The following EMC2 variants were observed in gnomAD, a reference collection of about 807,000 sequenced individuals.
The protein encoded by EMC2 is TPR repeat protein 35.
In EMC2, 37 loss-of-function variants were observed where a neutral mutation model predicts 51.6. That is an observed-to-expected ratio of 0.72 (90% CI 0.55 to 0.94). EMC2 has a LOEUF of 0.94. Ranked by LOEUF, EMC2 falls within the 40% of genes least tolerant of loss-of-function variation. EMC2 has a pLI of 0.00. For missense variants in EMC2, 359 were observed against 350.9 expected, an observed-to-expected ratio of 1.02 and a Z score of -0.18; for synonymous variants, 131 against 112.4, an observed-to-expected ratio of 1.17 and a Z score of -1.04.
At chr8:108,465,125 C>T (rs931726785) in intron 5 of EMC2, among the ~76,000 whole-genome samples, 2 of 152,132 alleles carry the variant, frequency 1.3e-5, no homozygotes, top group Non-Finnish European at 2.9e-5. Flanking sequence ...TGCTAGCTAG[C>T]CCTATTCTGA....
chr8:108,467,210 G>A (rs1472617751), intron 5 of EMC2, among the ~76,000 whole-genome samples: 1 of 152,126 alleles, frequency 6.6e-6, no homozygotes, highest in Non-Finnish European at 1.5e-5. Context: ...TGGAAACTAA[G>A]ATGTGCGTTT....
intron 3 of EMC2, among the ~76,000 whole-genome samples, chr8:108,450,860 C>A (rs1819000830): frequency 1.3e-5 from 2 of 152,134 alleles, no homozygotes; most frequent in Non-Finnish European, 2.9e-5. Context: ...ATATTATAAA[C>A]ATATCTGACA....
chr8:108,465,628 C>T (rs890820560), intron 5 of EMC2, among the ~76,000 whole-genome samples: 3 of 152,136 alleles, frequency 2.0e-5, no homozygotes, highest in Non-Finnish European at 2.9e-5. Context: ...TACATGGGTT[C>T]TTCAGAACTA....
intron 5 of EMC2, among the ~76,000 whole-genome samples, chr8:108,458,043 A>G (rs1819211814): frequency 1.3e-5 from 2 of 152,232 alleles, no homozygotes; most frequent in African/African-American, 2.4e-5. Flanking sequence ...CAAAGAGGCT[A>G]CAGGCCCCAT....
chr8:108,444,929 C>G (rs778160135), intron 1 of EMC2, among the ~76,000 whole-genome samples: 30 of 152,114 alleles, frequency 2.0e-4, no homozygotes, highest in Non-Finnish European at 3.8e-4. Flanking sequence ...AGGGTATCTT[C>G]CGTAAGCTGA....
rs566239299 is a variant in EMC2 at position 108,444,849 on chromosome 8, A to G, written c.40+1151A>G. 2.6e-5 allele frequency among the ~76,000 whole-genome samples: 4 copies of G among 152,344 alleles called. No homozygotes were observed. The East Asian group carries it at 7.7e-4, about 29-fold the overall frequency. On this transcript the variant is annotated intron_variant, in intron 1 of 10. Coordinates refer to ENST00000220853, the MANE Select transcript of EMC2 (RefSeq NM_014673.5). ...TTGGCTCTGTCAACACACAGTCCCCACTTCCAAGGAAGTCACAATCTAATG... is the reference window on the plus strand; with the variant it reads ...TTGGCTCTGTCAACACACAGTCCCCGCTTCCAAGGAAGTCACAATCTAATG...
chr8:108,484,160 T>C (rs1219032732), intron 10 of EMC2, among the ~76,000 whole-genome samples: 1 of 152,136 alleles, frequency 6.6e-6, no homozygotes, highest in Non-Finnish European at 1.5e-5. Flanking sequence ...AGATAAATCC[T>C]TCTTTGTTGC....
chr8:108,453,577 T>A (rs562336761), intron 4 of EMC2, among the ~76,000 whole-genome samples: 1 of 152,246 alleles, frequency 6.6e-6, no homozygotes, highest in South Asian at 2.1e-4. Flanking sequence ...GTCATTCTTT[T>A]GTCCTGTCCA....
At chr8:108,467,324 T>C (rs1165233202) in intron 5 of EMC2, among the ~76,000 whole-genome samples, 1 of 152,078 alleles carries the variant, frequency 6.6e-6, no homozygotes, top group Non-Finnish European at 1.5e-5. Context: ...ATGCTTTGAA[T>C]TATGTGGCAA....
At chr8:108,457,394 A>G (rs1449381116) in intron 5 of EMC2, among the ~76,000 whole-genome samples, 2 of 146,528 alleles carry the variant, frequency 1.4e-5, no homozygotes, top group African/African-American at 2.5e-5. Flanking sequence ...GTCCATTTTC[A>G]TGCTGTCTAT....
chr8:108,470,020 G>A, intron 6 of EMC2, 42 bp from the exon 7 acceptor site: 1 of 1,576,776 alleles, frequency 6.3e-7, no homozygotes. Context: ...TTCATTTACA[G>A]AATATCTACA....
chr8:108,469,327 A>G (rs919966297), intron 5 of EMC2, among the ~76,000 whole-genome samples: 71 of 152,148 alleles, frequency 4.7e-4, no homozygotes, highest in Non-Finnish European at 8.7e-4. Flanking sequence ...TACAATATTT[A>G]TTTCAGGACT....
At chr8:108,486,124 C>T (rs1811133231) in intron 10 of EMC2, among the ~76,000 whole-genome samples, 2 of 151,850 alleles carry the variant, frequency 1.3e-5, no homozygotes, top group Admixed American at 6.6e-5. Context: ...TCTGTTTAGA[C>T]ATCAGACAAG....
At chr8:108,480,834 T>G (rs1378403606) in intron 10 of EMC2, among the ~76,000 whole-genome samples, 2 of 152,174 alleles carry the variant, frequency 1.3e-5, no homozygotes, top group Non-Finnish European at 2.9e-5. Context: ...TTAGAAATTT[T>G]AAGATATTAG....
intron 5 of EMC2, among the ~76,000 whole-genome samples, chr8:108,467,603 C>T (rs185484790): frequency 1.9e-3 from 295 of 152,252 alleles, no homozygotes; most frequent in Middle Eastern, 3.4e-3. Flanking sequence ...GACAGGGTCT[C>T]ACTATGTTGC....
At chr8:108,483,249 A>G (rs1350142647) in intron 10 of EMC2, among the ~76,000 whole-genome samples, 1 of 152,168 alleles carries the variant, frequency 6.6e-6, no homozygotes, top group African/African-American at 2.4e-5. Context: ...ATATTGAGAT[A>G]TAATTTACAT....
intron 9 of EMC2, 94 bp downstream of exon 9, chr8:108,476,986 G>T: frequency 3.3e-6 from 2 of 601,992 alleles, no homozygotes; most frequent in East Asian, 2.9e-5. Flanking sequence ...CCTGTTTTTT[G>T]TATTTTATTG....
intron 1 of EMC2, among the ~76,000 whole-genome samples, chr8:108,445,779 C>G (rs1284291466): frequency 1.3e-5 from 2 of 152,194 alleles, no homozygotes; most frequent in African/African-American, 4.8e-5. Context: ...TAGAGCCTGA[C>G]ACATGGGGGC....
At chr8:108,475,775 A>G in intron 7 of EMC2, 107 bp from the exon 8 acceptor site, 1 of 606,688 alleles carries the variant, frequency 1.6e-6, no homozygotes, top group Non-Finnish European at 2.9e-6. Flanking sequence ...TATATTGGGA[A>G]TAAATTGTTT....
Sources: allele counts gnomAD v4.1 joint callset (sites outside exome capture counted in the v4.1 genomes callset), GRCh38; gene constraint gnomAD v4.1.1; transcripts MANE v1.5; gene names NCBI Gene and HGNC (gene_info 2026-07-23, HGNC 2026-07-21).